Variants in FSD2 observed in about 807,000 individuals in gnomAD.
FSD2 encodes the protein fibronectin type III and SPRY domain-containing protein 2.
Under a neutral mutation model 80.4 loss-of-function variants are expected in FSD2, and 71 were observed. The observed-to-expected ratio is 0.88, with a 90% CI of 0.73 to 1.08. The LOEUF is 1.08. FSD2 is among the 50% of genes least tolerant of loss of function. The pLI is 0.00. For missense variants in FSD2, 923 were observed against 913.8 expected (o/e 1.01, Z -0.13); for synonymous variants, 361 against 329.5 (o/e 1.10, Z -1.03).
intron 6 of FSD2, among the ~76,000 whole-genome samples, chr15:82,772,683 T>C (rs1884023900): frequency 6.6e-6 from 1 of 152,166 alleles, no homozygotes; most frequent in African/African-American, 2.4e-5. Context: ...TGAGAGAAGA[T>C]TGGGGTGGCC....
Position 82,776,631 on chromosome 15 carries a change from GA to G in FSD2, c.1111+2134del, listed in dbSNP as rs374094932. Among the ~76,000 whole-genome samples, 1,958 of 152,200 alleles carry G rather than the reference GA, an allele frequency of 0.013. 183 individuals are homozygous for G. In the South Asian group the frequency reaches 0.27, roughly 21 times the overall value. On this transcript the variant is annotated intron_variant, in intron 6 of 12. Coordinates refer to ENST00000334574, the MANE Select transcript of FSD2 (RefSeq NM_001007122.4). The stretch of plus-strand genomic sequence containing the variant: ...AGTATCCTACATTCATAGATTGGAA[GA>G]ATTAATATTGTTAAAATGTCCATAT...
At position 82,759,234 on chromosome 15, in the gene FSD2, A is replaced by G; in HGVS notation, c.*114T>C. The stretch of plus-strand genomic sequence containing the variant: ...AGCACACCAGTCAGATAATAGCATG[A>G]GCCATAAATTGTGCTGGGCACATGG... On this transcript the variant is annotated 3_prime_UTR_variant, in exon 13 of 13. Transcript: ENST00000334574. 4.4e-6 allele frequency: 5 copies of G among 1,126,134 alleles called. No individual in the cohort carries two copies. Among genetic ancestry groups the G allele is most frequent in the South Asian group, 1.6e-5 (1 of 62,208 alleles). The allele number at this position is 1,126,134 out of a possible 1,614,324, so 69.8% of individuals were successfully genotyped here. A position where few individuals can be genotyped will look rare whatever the true frequency, so the allele number is the denominator to read the frequency against.
chr15:82,773,908 A>C (rs1399324737), intron 6 of FSD2, among the ~76,000 whole-genome samples: 1 of 152,192 alleles, frequency 6.6e-6, no homozygotes, highest in Non-Finnish European at 1.5e-5. Context: ...AAACAGAATG[A>C]CTCAATTTTT....
intron 9 of FSD2, among the ~76,000 whole-genome samples, chr15:82,767,352 A>C (rs1267399362): frequency 6.6e-6 from 1 of 152,216 alleles, no homozygotes; most frequent in Non-Finnish European, 1.5e-5. Context: ...TAGGAGAAGC[A>C]TGTGCCAAGG....
chr15:82,762,745 G>T (rs1027556591), intron 11 of FSD2, among the ~76,000 whole-genome samples: 4 of 152,282 alleles, frequency 2.6e-5, no homozygotes, highest in African/African-American at 9.6e-5. Context: ...GCCAGCCCAA[G>T]GAGAACAAGA....
chr15:82,793,425 G>C (rs1389392658), intron 1 of FSD2, among the ~76,000 whole-genome samples: 1 of 151,746 alleles, frequency 6.6e-6, no homozygotes, highest in Non-Finnish European at 1.5e-5. Context: ...TACATGTATT[G>C]TCAAGTATGA....
At chr15:82,785,336 T>TTTAC (rs1258000012) in intron 3 of FSD2, among the ~76,000 whole-genome samples, 2 of 151,778 alleles carry the variant, frequency 1.3e-5, no homozygotes, top group Non-Finnish European at 2.9e-5. Context: ...TATTTATTTA[T>TTTAC]TTATTTGAGA....
intron 4 of FSD2, 129 bp from the exon 5 acceptor site, chr15:82,780,396 AC>A: frequency 1.6e-6 from 1 of 615,344 alleles, no homozygotes; most frequent in South Asian, 2.2e-5. Flanking sequence ...GTGCAATGGC[AC>A]AATCTCGGCT....
rs531106736 is a variant in FSD2, at chr15:82,791,045, C to T, written c.-78-3577G>A. 2.6e-5 allele frequency among the ~76,000 whole-genome samples: 4 copies of T among 151,494 alleles called. 1 individual carries two copies. The South Asian group carries it at 6.3e-4, about 24-fold the overall frequency. On this transcript the variant is annotated intron_variant, in intron 1 of 12. Transcript: ENST00000334574. ...GCGGAGTCTCGCTTTGTCACCCAGG[C>T]TGGAGTGCAGTGGCGCGATCTTAGC...
At chr15:82,798,366 C>A (rs190420081) in intron 1 of FSD2, among the ~76,000 whole-genome samples, 1 of 151,892 alleles carries the variant, frequency 6.6e-6, no homozygotes, top group Admixed American at 6.6e-5. Context: ...GAAGAAAGAA[C>A]GAAAGGAAGA....
intron 8 of FSD2, 124 bp downstream of exon 8, chr15:82,769,626 A>G (rs1388504384): frequency 2.9e-5 from 36 of 1,236,786 alleles, no homozygotes; most frequent in Non-Finnish European, 3.7e-5. Flanking sequence ...AATAAAAGAA[A>G]AAAATGTACA....
At chr15:82,776,169 C>T (rs2151504343) in intron 6 of FSD2, among the ~76,000 whole-genome samples, 1 of 152,214 alleles carries the variant, frequency 6.6e-6, no homozygotes, top group African/African-American at 2.4e-5. Context: ...GGCCTGTAGT[C>T]CTAGCTACTT....
rs572082538 is a variant in FSD2 at position 82,772,151 on chromosome 15, A to G, written c.1189T>C (p.Tyr397His). 1.2e-4 allele frequency: 194 copies of G among 1,611,864 alleles called. 2 individuals are homozygous for G. In the South Asian group the frequency reaches 2.1e-3, roughly 17 times the overall value. Residue 397 changes from tyrosine to histidine, a missense_variant, in exon 7 of 13, where the codon TAC becomes CAC. Transcript: ENST00000334574. Reference sequence around the variant, plus strand: ...TAGCTCTCCACAGTGTCGTCGGAGTATAAGCTCCAGCACACTCGGACTGAG... The same window carrying G: ...TAGCTCTCCACAGTGTCGTCGGAGTGTAAGCTCCAGCACACTCGGACTGAG... Reference protein sequence around the residue: ...GSSVRVCWSLYSDDTVESYQL... With the variant: ...GSSVRVCWSLHSDDTVESYQL...
At chr15:82,764,449 G>GT (rs1416005846) in intron 11 of FSD2, among the ~76,000 whole-genome samples, 1 of 142,602 alleles carries the variant, frequency 7.0e-6, no homozygotes, top group Non-Finnish European at 1.5e-5. Flanking sequence ...GTGTGCTTTC[G>GT]TTTTCAATAA....
At chr15:82,765,786 G>A (rs796831358) in intron 10 of FSD2, 112 bp downstream of exon 10, 22 of 1,345,040 alleles carry the variant, frequency 1.6e-5, no homozygotes, top group East Asian at 1.0e-4. Context: ...GACTTGCCAC[G>A]TGTCCACATC....
chr15:82,783,728 C>G (rs2151515820), intron 3 of FSD2, among the ~76,000 whole-genome samples: 1 of 152,238 alleles, frequency 6.6e-6, no homozygotes, highest in South Asian at 2.1e-4. Flanking sequence ...CTCCTGAGCT[C>G]TTAACATCTC....
At chr15:82,792,169 T>A (rs1337362942) in intron 1 of FSD2, among the ~76,000 whole-genome samples, 1 of 152,208 alleles carries the variant, frequency 6.6e-6, no homozygotes, top group Non-Finnish European at 1.5e-5. Flanking sequence ...TAACTTATGT[T>A]TAACTTTCTG....
At chr15:82,798,877 TG>T (rs200867810) in intron 1 of FSD2, among the ~76,000 whole-genome samples, 2,092 of 144,096 alleles carry the variant, frequency 0.015, 192 homozygotes, top group African/African-American at 0.049. Flanking sequence ...TCCACTGTTT[TG>T]TTTTTTTTTT....
At chr15:82,771,562 G>T (rs1221051030) in intron 7 of FSD2, among the ~76,000 whole-genome samples, 1 of 152,234 alleles carries the variant, frequency 6.6e-6, no homozygotes, top group Admixed American at 6.5e-5. Context: ...GAGGCCGGGG[G>T]CCATCTCAGG....
Sources: gnomAD v4.1 joint callset for allele counts (sites outside exome capture counted in the v4.1 genomes callset) on GRCh38, gnomAD v4.1.1 for gene constraint, MANE v1.5 for transcripts, NCBI Gene and HGNC (gene_info 2026-07-23, HGNC 2026-07-21) for gene names.